The following RGS6 variants were observed in gnomAD, a reference collection of about 807,000 sequenced individuals.
RGS6 encodes regulator of G-protein signaling 6.
In RGS6, 30 loss-of-function variants were observed where a neutral mutation model predicts 78.5. The ratio of observed to expected loss-of-function variants is 0.38; its 90% CI spans 0.29 to 0.52. The LOEUF (loss-of-function observed/expected upper bound fraction) is 0.52, where lower values mean the gene tolerates loss of function less well. Ranked by LOEUF, RGS6 falls within the 20% of genes least tolerant of loss-of-function variation. The pLI is 0.85. For missense variants in RGS6, 495 were observed against 609.7 expected (o/e 0.81, Z 1.98); for synonymous variants, 206 against 206.0 (o/e 1.00, Z 0.00).
the RGS6 span, among the ~76,000 whole-genome samples, chr14:71,924,014 T>C: frequency 6.6e-6 from 1 of 152,100 alleles, no homozygotes; most frequent in Non-Finnish European, 1.5e-5. Flanking sequence ...TGGCAGAAAT[T>C]TCTTCCTATT....
intron 14 of RGS6, chr14:72,514,185 C>T (rs991044865): frequency 5.9e-5 from 9 of 152,284 alleles, no homozygotes; most frequent in Non-Finnish European, 1.3e-4. Context: ...TTTAGCCCCA[C>T]CGGGAACTAA....
the RGS6 span, among the ~76,000 whole-genome samples, chr14:71,872,428 T>C: frequency 6.6e-6 from 1 of 152,178 alleles, no homozygotes; most frequent in African/African-American, 2.4e-5. Context: ...CTGTCTTTTC[T>C]GCCCTTGGAA....
rs768043301 is a variant in RGS6, at chr14:72,271,525, T to A, written c.85-80570T>A. ...CAAACCATATCAACCACTGTAGACA[T>A]GACCAAGTTCAGACTTGGTCAGTAG... On this transcript the variant is annotated intron_variant, in intron 2 of 17. Coordinates refer to ENST00000553525, the MANE Select transcript of RGS6 (RefSeq NM_001204424.2). Among the ~76,000 whole-genome samples the A allele has an allele frequency of 3.3e-5, 5 of 152,346 alleles. No individual in the cohort carries two copies. The East Asian group carries it at 9.6e-4, about 29-fold the overall frequency.
chr14:72,290,309 C>A (rs2063361509), intron 2 of RGS6, among the ~76,000 whole-genome samples: 1 of 152,158 alleles, frequency 6.6e-6, no homozygotes, highest in South Asian at 2.1e-4. Flanking sequence ...CCTCCCTGGT[C>A]CACCTTTGCT....
rs11287556 is a variant in RGS6, at chr14:72,259,910, C to CAAAAAAAAAAAAAAAAA, written c.85-92180_85-92164dup. On this transcript the variant is annotated intron_variant, in intron 2 of 17. Transcript: ENST00000553525. ...TGGGTGACAGAGTGAGACTCCGTCTCAAAAAAAAAAAAAAAAAAAAAGCTT... is the reference window on the plus strand; with the variant it reads ...TGGGTGACAGAGTGAGACTCCGTCTCAAAAAAAAAAAAAAAAAAAAAAAAAAAAAAAAAAAAAAGCTT... Among the ~76,000 whole-genome samples the CAAAAAAAAAAAAAAAAA allele has an allele frequency of 9.7e-3, 663 of 68,392 alleles. 60 individuals carry two copies. Among genetic ancestry groups the CAAAAAAAAAAAAAAAAA allele is most frequent in the African/African-American group, 0.029 (320 of 11,128 alleles). 44.9% of individuals were successfully genotyped at this position (68,392 alleles called of 152,430 possible).
intron 3 of RGS6, among the ~76,000 whole-genome samples, chr14:72,383,186 A>ATG: frequency 1.2e-5 from 1 of 84,354 alleles, no homozygotes; most frequent in Non-Finnish European, 2.2e-5. Context: ...ACATATATAT[A>ATG]TATATATATA....
intron 2 of RGS6, among the ~76,000 whole-genome samples, chr14:72,319,566 C>T (rs2071321307): frequency 6.6e-6 from 1 of 152,054 alleles, no homozygotes; most frequent in Non-Finnish European, 1.5e-5. Flanking sequence ...TGGTCTCGAT[C>T]TCCTGACCTC....
chr14:72,308,263 C>G lies in RGS6; in HGVS notation c.85-43832C>G, dbSNP rs112607220. On this transcript the variant is annotated intron_variant, in intron 2 of 17. Coordinates refer to ENST00000553525, the MANE Select transcript of RGS6 (RefSeq NM_001204424.2). ...TAACAAAAATGCTTCTGTAGTTCCC[C>G]TACCGCAAATATTGAGTATCCATGA... 7.3e-3 allele frequency among the ~76,000 whole-genome samples: 1,106 copies of G among 152,238 alleles called. 4 individuals carry two copies. The highest frequency in any genetic ancestry group is 0.021 in the African/African-American group (855 of 41,540).
At chr14:72,537,523 G>T (rs1200285000) in intron 16 of RGS6, 17 of 702,240 alleles carry the variant, frequency 2.4e-5, no homozygotes, top group Non-Finnish European at 3.6e-5. Flanking sequence ...CACAGGTGTG[G>T]CTACTGTGAT....
chr14:72,475,013 T>C (rs1392898611), intron 10 of RGS6, among the ~76,000 whole-genome samples: 1 of 64,114 alleles, frequency 1.6e-5, no homozygotes, highest in South Asian at 4.7e-4. Flanking sequence ...AAGCCAGACC[T>C]GGAGTGGGTG....
chr14:72,282,438 G>A lies in RGS6; in HGVS notation c.85-69657G>A, dbSNP rs868617295. 5.9e-5 allele frequency among the ~76,000 whole-genome samples: 9 copies of A among 152,288 alleles called. No individual in the cohort carries two copies. In the South Asian group the frequency reaches 1.5e-3, roughly 25 times the overall value. On this transcript the variant is annotated intron_variant, in intron 2 of 17. Coordinates refer to ENST00000553525, the MANE Select transcript of RGS6 (RefSeq NM_001204424.2). ...AATATCTGACTCTAACAGAGTTGCA[G>A]TTTCCAAGTCTATAGCATCCCACTA...
At chr14:72,613,919 C>T in the RGS6 span, among the ~76,000 whole-genome samples, 1 of 152,150 alleles carries the variant, frequency 6.6e-6, no homozygotes, top group African/African-American at 2.4e-5. Flanking sequence ...GTTGTCTATC[C>T]TCCCACATCC....
rs1351357053 is a variant in RGS6 at position 72,377,182 on chromosome 14, T to C, written c.184+24988T>C. ...CTCATCTCACCTATAAAGACACAAA[T>C]AGACTGAAAGTGAAGTGATGGAAAA... On this transcript the variant is annotated intron_variant, in intron 3 of 17. Coordinates refer to ENST00000553525, the MANE Select transcript of RGS6 (RefSeq NM_001204424.2). Among the ~76,000 whole-genome samples the C allele has an allele frequency of 2.0e-5, 3 of 151,774 alleles. No homozygotes were observed. In the East Asian group the frequency reaches 5.8e-4, roughly 29 times the overall value.
At chr14:72,509,686 T>C (rs1168150592) in intron 13 of RGS6, among the ~76,000 whole-genome samples, 1 of 152,234 alleles carries the variant, frequency 6.6e-6, no homozygotes, top group African/African-American at 2.4e-5. Context: ...AATACATTTC[T>C]GACCAGTTGT....
At chr14:71,970,680 G>A (rs1039097836) in intron 2 of RGS6, among the ~76,000 whole-genome samples, 7 of 152,184 alleles carry the variant, frequency 4.6e-5, no homozygotes, top group East Asian at 3.9e-4. Context: ...CAGGAAATAC[G>A]TATTGAGTGT....
At chr14:71,878,823 A>G in the RGS6 span, among the ~76,000 whole-genome samples, 322 of 151,978 alleles carry the variant, frequency 2.1e-3, no homozygotes, top group African/African-American at 7.2e-3. Flanking sequence ...CCATCTTGGA[A>G]CCTCTACCAG....
chr14:72,323,755 G>A (rs546887482), intron 2 of RGS6, among the ~76,000 whole-genome samples: 8 of 125,940 alleles, frequency 6.4e-5, no homozygotes, highest in Admixed American at 1.9e-4. Flanking sequence ...TGAGCCCAGC[G>A]GCGCCACTGC....
At chr14:72,006,437 G>A (rs1329196531) in intron 2 of RGS6, among the ~76,000 whole-genome samples, 1 of 152,138 alleles carries the variant, frequency 6.6e-6, no homozygotes, top group Non-Finnish European at 1.5e-5. Context: ...AGAGGTTTCC[G>A]TGTTGGGCTG....
chr14:72,510,819 C>T (rs887993583), intron 14 of RGS6, among the ~76,000 whole-genome samples: 1 of 152,206 alleles, frequency 6.6e-6, no homozygotes, highest in African/African-American at 2.4e-5. Context: ...TTTAGAATGA[C>T]TTCTGTCGAC....
Sources: allele counts gnomAD v4.1 joint callset (sites outside exome capture counted in the v4.1 genomes callset), GRCh38; gene constraint gnomAD v4.1.1; transcripts MANE v1.5; gene names NCBI Gene and HGNC (gene_info 2026-07-23, HGNC 2026-07-21).